RFX7: variants seen among roughly 807,000 people sequenced by gnomAD.
RFX7 encodes regulatory factor X7.
Under a neutral mutation model 111.8 loss-of-function variants are expected in RFX7, and 26 were observed. That is an observed-to-expected ratio of 0.23 (90% CI 0.17 to 0.32). The LOEUF (loss-of-function observed/expected upper bound fraction) is 0.32, where lower values mean the gene tolerates loss of function less well. Among genes scored for constraint, RFX7 ranks in the 10% least tolerant of loss-of-function variants. The pLI is 1.00. For synonymous variants in RFX7, 624 were observed against 624.4 expected, an observed-to-expected ratio of 1.00 and a Z score of 0.01; for missense variants, 1,573 against 1,772.9, an observed-to-expected ratio of 0.89 and a Z score of 2.02.
chr15:56,204,541 A>G (rs1354019485), intron 2 of RFX7, among the ~76,000 whole-genome samples: 1 of 152,202 alleles, frequency 6.6e-6, no homozygotes, highest in East Asian at 1.9e-4. Context: ...TGTAAGCAAT[A>G]TGAGAATATT....
chr15:56,190,859 A>C (rs2043093321), intron 2 of RFX7, among the ~76,000 whole-genome samples: 1 of 152,264 alleles, frequency 6.6e-6, no homozygotes. Flanking sequence ...AACACTGTGC[A>C]AAAAGAAAAC....
At chr15:56,157,691 T>A (rs935974968) in intron 3 of RFX7, among the ~76,000 whole-genome samples, 1 of 152,220 alleles carries the variant, frequency 6.6e-6, no homozygotes. Context: ...AGCATTCTCC[T>A]GCCTCAGCCT....
At chr15:56,126,835 G>A (rs539679617) in intron 5 of RFX7, among the ~76,000 whole-genome samples, 5 of 152,018 alleles carry the variant, frequency 3.3e-5, no homozygotes, top group South Asian at 4.2e-4. Flanking sequence ...TGTAACAATC[G>A]TAACTTTTTA....
At chr15:56,156,191 C>G (rs2042650372) in intron 3 of RFX7, among the ~76,000 whole-genome samples, 1 of 152,080 alleles carries the variant, frequency 6.6e-6, no homozygotes, top group South Asian at 2.1e-4. Context: ...CTATAATGAT[C>G]CTGGTTTGTC....
chr15:56,134,186 G>C (rs1173949662), intron 5 of RFX7, among the ~76,000 whole-genome samples: 3 of 152,036 alleles, frequency 2.0e-5, no homozygotes, highest in East Asian at 1.9e-4. Flanking sequence ...CACTAGTTTT[G>C]TCACACTGGT....
chr15:56,133,819 G>A (rs2042250034), intron 5 of RFX7, among the ~76,000 whole-genome samples: 1 of 151,958 alleles, frequency 6.6e-6, no homozygotes, highest in African/African-American at 2.4e-5. Context: ...TATGGTTTTA[G>A]GCAATGTACA....
chr15:56,149,716 C>G (rs1229605092), intron 3 of RFX7, among the ~76,000 whole-genome samples: 3 of 152,160 alleles, frequency 2.0e-5, no homozygotes, highest in African/African-American at 7.2e-5. Flanking sequence ...AGGAGATTCC[C>G]TCTGGTGACT....
At chr15:56,129,149 G>A (rs1257862439) in intron 5 of RFX7, among the ~76,000 whole-genome samples, 1 of 152,186 alleles carries the variant, frequency 6.6e-6, no homozygotes, top group Non-Finnish European at 1.5e-5. Flanking sequence ...GCCGAAGTGG[G>A]TGTATCACTT....
At position 56,139,408 on chromosome 15, in the gene RFX7, C is replaced by T. The variant is rs568234527; in HGVS notation, c.401+3370G>A. Among the ~76,000 whole-genome samples the T allele has an allele frequency of 8.5e-5, 13 of 152,336 alleles. No individual in the cohort carries two copies. The South Asian group carries it at 1.9e-3, about 22-fold the overall frequency. ...TACTCTTTCTTCCAGTTGATCGCATCGGCTCCTGAGGCTTCTGCATTCTTC... is the reference window on the plus strand; with the variant it reads ...TACTCTTTCTTCCAGTTGATCGCATTGGCTCCTGAGGCTTCTGCATTCTTC... On this transcript the variant is annotated intron_variant, in intron 5 of 9. Coordinates refer to ENST00000559447, the MANE Select transcript of RFX7 (RefSeq NM_022841.7).
intron 3 of RFX7, among the ~76,000 whole-genome samples, chr15:56,169,850 G>A (rs1448732830): frequency 6.6e-6 from 1 of 151,464 alleles, no homozygotes; most frequent in Non-Finnish European, 1.5e-5. Context: ...TTTAACAGGT[G>A]AGTATGGAAG....
At position 56,095,142 on chromosome 15, in the gene RFX7, C is replaced by G. The variant is rs773827955; in HGVS notation, c.2586G>C (p.Lys862Asn). 1.9e-6 allele frequency: 3 copies of G among 1,613,940 alleles called. No homozygotes were observed. Among genetic ancestry groups the G allele is most frequent in the South Asian group, 2.2e-5 (2 of 91,080 alleles). Residue 862 changes from lysine (K) to asparagine (N), a missense_variant, in exon 10 of 10, where the codon AAG becomes AAC. Physicochemically the swap from Lys to Asn is moderately conservative, Grantham distance 94 (BLOSUM62 0). This residue lies in a region of RFX7 where 625 missense variants were observed against 632.2 expected (regional missense o/e 0.99). Coordinates refer to ENST00000559447, the MANE Select transcript of RFX7 (RefSeq NM_022841.7). ...TCTGGGAAACAGAAGGCTCAAACTC[C>G]TTCAGTTCAGATTGCAGAGGTAACT... ...SDQLPLQSEL[K>N]EFEPSVSQTN...
At chr15:56,224,569 C>T (rs1425666236) in intron 2 of RFX7, among the ~76,000 whole-genome samples, 1 of 151,410 alleles carries the variant, frequency 6.6e-6, no homozygotes, top group African/African-American at 2.4e-5. Context: ...AAAGAATTTA[C>T]TAACGTAGTT....
chr15:56,163,973 T>C (rs1195021010), intron 3 of RFX7, among the ~76,000 whole-genome samples: 1 of 152,126 alleles, frequency 6.6e-6, no homozygotes, highest in East Asian at 1.9e-4. Flanking sequence ...AGGCACGTAA[T>C]GCACATGAGT....
chr15:56,210,579 A>T (rs2043303457), intron 2 of RFX7, among the ~76,000 whole-genome samples: 1 of 152,060 alleles, frequency 6.6e-6, no homozygotes. Flanking sequence ...ATCTTAACAA[A>T]TTTTTTTAAA....
At chr15:56,106,538 G>T (rs2041831965) in intron 5 of RFX7, among the ~76,000 whole-genome samples, 1 of 152,148 alleles carries the variant, frequency 6.6e-6, no homozygotes, top group Non-Finnish European at 1.5e-5. Flanking sequence ...AAATAAATCA[G>T]AAGTTGTATA....
intron 5 of RFX7, among the ~76,000 whole-genome samples, chr15:56,127,075 T>C (rs1238337156): frequency 6.6e-6 from 1 of 152,024 alleles, no homozygotes; most frequent in Non-Finnish European, 1.5e-5. Flanking sequence ...CAAGTGCATA[T>C]GGAATATTCT....
chr15:56,157,572 G>GA (rs1229498479), intron 3 of RFX7, among the ~76,000 whole-genome samples: 4 of 152,016 alleles, frequency 2.6e-5, no homozygotes, highest in Admixed American at 1.3e-4. Flanking sequence ...TTCAATTTAG[G>GA]AAAAAAACCT....
chr15:56,096,276 G>A lies in RFX7; in HGVS notation c.1452C>T (p.Asn484=). ...KMTTISLTPS[N]SNTPLKHSAS... ...CAGAATGTTTAAGAGGGGTGTTACT[G>A]TTGCTGGGTGTGAGGGATATTGTTG... Residue 484 remains asparagine (N), a synonymous_variant, in exon 10 of 10, where the codon AAC becomes AAT. Transcript: ENST00000559447. The A allele has an allele frequency of 6.2e-7, 1 of 1,613,982 alleles. No homozygotes were observed. The highest frequency in any genetic ancestry group is 2.2e-5 in the East Asian group (1 of 44,880).
At chr15:56,119,144 T>A (rs1845353431) in intron 5 of RFX7, among the ~76,000 whole-genome samples, 1 of 152,228 alleles carries the variant, frequency 6.6e-6, no homozygotes, top group African/African-American at 2.4e-5. Context: ...GTGGGTTATC[T>A]CTTCACTTTG....
Sources: gnomAD v4.1 joint callset for allele counts (sites outside exome capture counted in the v4.1 genomes callset) on GRCh38, gnomAD v4.1.1 for gene constraint, gnomAD v4.1.1 regional missense constraint, MANE v1.5 for transcripts, NCBI Gene and HGNC (gene_info 2026-07-23, HGNC 2026-07-21) for gene names.